ARB2A: variants seen among roughly 807,000 people sequenced by gnomAD.
ARB2A encodes the protein cotranscriptional regulator ARB2A.
At chr5:93,942,806 C>A in the ARB2A span, among the ~76,000 whole-genome samples, 127 of 151,958 alleles carry the variant, frequency 8.4e-4, no homozygotes, top group African/African-American at 3.0e-3. Context: ...CATAAACTTC[C>A]AGGAACATTA....
At chr5:93,682,178 T>C in the ARB2A span, among the ~76,000 whole-genome samples, 10 of 148,690 alleles carry the variant, frequency 6.7e-5, no homozygotes, top group Non-Finnish European at 8.9e-5. Context: ...TTATAATTAA[T>C]AAATTTGGCA....
the ARB2A span, among the ~76,000 whole-genome samples, chr5:93,706,855 A>T: frequency 7.0e-6 from 1 of 143,622 alleles, no homozygotes; most frequent in South Asian, 2.2e-4. Flanking sequence ...ACAGAACAAG[A>T]TTCCGTCAAA....
At chr5:93,821,521 AT>A in the ARB2A span, among the ~76,000 whole-genome samples, 311 of 152,202 alleles carry the variant, frequency 2.0e-3, no homozygotes, top group South Asian at 6.8e-3. Flanking sequence ...AAGTAAAACA[AT>A]TCATACAATA....
chr5:93,986,351 G>A, the ARB2A span, among the ~76,000 whole-genome samples: 1,521 of 146,302 alleles, frequency 0.01, 15 homozygotes, highest in Non-Finnish European at 0.014. Context: ...GGCAGCCACC[G>A]TGTCTGGTAG....
chr5:94,030,249 G>C, the ARB2A span, among the ~76,000 whole-genome samples: 2 of 152,192 alleles, frequency 1.3e-5, no homozygotes, highest in African/African-American at 4.8e-5. Flanking sequence ...CAGAAGTCTG[G>C]GTTGATTCCA....
At chr5:93,652,715 T>C in the ARB2A span, among the ~76,000 whole-genome samples, 1 of 152,204 alleles carries the variant, frequency 6.6e-6, no homozygotes, top group Non-Finnish European at 1.5e-5. Context: ...AAAGTTCTGA[T>C]TTAAAGGCTT....
the ARB2A span, among the ~76,000 whole-genome samples, chr5:94,039,641 A>C: frequency 2.0e-5 from 3 of 152,072 alleles, no homozygotes; most frequent in African/African-American, 7.2e-5. Context: ...TTCTTAATAA[A>C]CTTGTTTTCA....
At chr5:93,721,006 G>T in the ARB2A span, among the ~76,000 whole-genome samples, 1 of 152,078 alleles carries the variant, frequency 6.6e-6, no homozygotes, top group African/African-American at 2.4e-5. Flanking sequence ...CCAAAGCCTT[G>T]TTGTGAAAGG....
the ARB2A span, among the ~76,000 whole-genome samples, chr5:93,822,416 A>G: frequency 6.6e-6 from 1 of 152,286 alleles, no homozygotes; most frequent in East Asian, 1.9e-4. Context: ...AGGAATGTAA[A>G]TTTTAAGTTT....
the ARB2A span, among the ~76,000 whole-genome samples, chr5:94,098,448 T>C: frequency 1.2e-4 from 18 of 152,130 alleles, no homozygotes; most frequent in South Asian, 3.3e-3. Context: ...AGAACAAAGA[T>C]AGAACATACC....
At chr5:94,101,820 A>C in the ARB2A span, among the ~76,000 whole-genome samples, 7 of 152,110 alleles carry the variant, frequency 4.6e-5, no homozygotes, top group East Asian at 1.4e-3. Context: ...GAGGGCAATT[A>C]GCAGAAAAGA....
the ARB2A span, among the ~76,000 whole-genome samples, chr5:94,051,226 G>C: frequency 6.6e-6 from 1 of 152,178 alleles, no homozygotes; most frequent in Non-Finnish European, 1.5e-5. Context: ...AAACAATCGA[G>C]ATTGAAATAT....
At chr5:93,834,290 T>C in the ARB2A span, among the ~76,000 whole-genome samples, 1 of 152,188 alleles carries the variant, frequency 6.6e-6, no homozygotes, top group Non-Finnish European at 1.5e-5. Context: ...ATGAGCAACT[T>C]AAGGGCAGTG....
the ARB2A span, among the ~76,000 whole-genome samples, chr5:93,977,585 AC>A: frequency 6.6e-6 from 1 of 152,114 alleles, no homozygotes; most frequent in African/African-American, 2.4e-5. Context: ...ATAAAACTTG[AC>A]CCCTACTTCT....
chr5:93,746,170 C>A, the ARB2A span, among the ~76,000 whole-genome samples: 2 of 152,116 alleles, frequency 1.3e-5, no homozygotes, highest in Admixed American at 1.3e-4. Flanking sequence ...CAAAGTGAGG[C>A]ATCAAAGATA....
chr5:94,029,730 T>C, the ARB2A span, among the ~76,000 whole-genome samples: 1 of 152,226 alleles, frequency 6.6e-6, no homozygotes, highest in Non-Finnish European at 1.5e-5. Flanking sequence ...AGGTGATATT[T>C]TGGTACTGTG....
At chr5:93,958,435 AT>A in the ARB2A span, among the ~76,000 whole-genome samples, 1 of 152,254 alleles carries the variant, frequency 6.6e-6, no homozygotes, top group South Asian at 2.1e-4. Flanking sequence ...GTTATTTTCA[AT>A]AATGTTGATA....
the ARB2A span, among the ~76,000 whole-genome samples, chr5:93,985,092 CTT>C: frequency 3.9e-5 from 6 of 152,070 alleles, no homozygotes; most frequent in Non-Finnish European, 8.8e-5. Flanking sequence ...ATTTTCTCTT[CTT>C]TCTTAAAAAA....
At chr5:93,878,638 C>T in the ARB2A span, among the ~76,000 whole-genome samples, 3 of 151,590 alleles carry the variant, frequency 2.0e-5, no homozygotes, top group Non-Finnish European at 2.9e-5. Context: ...AATATATATA[C>T]ATATTTATAG....
Sources: allele counts gnomAD v4.1 joint callset (sites outside exome capture counted in the v4.1 genomes callset), GRCh38; gene constraint gnomAD v4.1.1; transcripts MANE v1.5; gene names NCBI Gene and HGNC (gene_info 2026-07-23, HGNC 2026-07-21).